Variants in RBM42 observed in about 807,000 individuals in gnomAD.
RBM42 encodes RNA-binding protein 42.
In RBM42, 21 loss-of-function variants were observed where a neutral mutation model predicts 41.4. That is an observed-to-expected ratio of 0.51 (90% CI 0.36 to 0.73). The LOEUF (loss-of-function observed/expected upper bound fraction) is 0.73. Ranked by LOEUF, RBM42 falls within the 30% of genes least tolerant of loss-of-function variation. The pLI is 0.00. For missense variants in RBM42, 539 were observed against 680.4 expected (o/e 0.79, Z 2.31); for synonymous variants, 272 against 271.2 (o/e 1.00, Z -0.03).
In RBM42 at chr19:35,629,554, G is replaced by A. The variant is rs1164054668; in HGVS notation, c.163G>A (p.Gly55Arg). 1 of 1,614,208 alleles carries A rather than the reference G, an allele frequency of 6.2e-7. No individual in the cohort carries two copies. The highest frequency in any genetic ancestry group is 1.1e-5 in the South Asian group (1 of 91,090). The change falls in exon 2 of 10, where the codon GGA (glycine) becomes AGA (arginine). Residue 55 changes from glycine to arginine, a missense_variant. Around this residue, in one of 2 missense-constraint regions of RBM42, gnomAD observed 429 missense variants for 488.9 expected, o/e 0.88. Coordinates refer to ENST00000262633, the MANE Select transcript of RBM42 (RefSeq NM_024321.5). ...GGAAGTTCTGGGGGCTCCAGTACCT[G>A]GAATCCCAACTGCTGTGCCTGCGGT... Reference protein sequence around the residue: ...EQEVLGAPVPGIPTAVPAVPT... With the variant: ...EQEVLGAPVPRIPTAVPAVPT...
intron 4 of RBM42, 24 bp downstream of exon 4, chr19:35,631,429 C>T (rs1487539337): frequency 3.1e-6 from 5 of 1,607,614 alleles, no homozygotes; most frequent in Non-Finnish European, 3.4e-6. Context: ...CAGGGACCCC[C>T]ACATTTAATC....
At chr19:35,633,456 A>G (rs1363677863) in intron 6 of RBM42, among the ~76,000 whole-genome samples, 2 of 152,214 alleles carry the variant, frequency 1.3e-5, no homozygotes, top group Non-Finnish European at 2.9e-5. Flanking sequence ...ACAGAGAGAA[A>G]CATGCTATTG....
Position 35,633,916 on chromosome 19 carries a change from T to TC in RBM42, c.916dup (p.Arg306ProfsTer11). The TC allele has an allele frequency of 1.3e-6, 2 of 1,591,054 alleles. No individual in the cohort carries two copies. Among genetic ancestry groups the TC allele is most frequent in the Non-Finnish European group, 1.7e-6 (2 of 1,173,172 alleles). On this transcript the variant is annotated frameshift_variant, in exon 7 of 10. Transcript: ENST00000262633. LOFTEE classifies it high-confidence loss of function. The stretch of plus-strand genomic sequence containing the variant: ...CCCCTGCCCCTCCCGTTGGAGGTCG[T>TC]CCGCGGCCTCCTGCCCCCGCTGCGC...
chr19:35,635,027 T>G lies in RBM42; in HGVS notation c.1135+654T>G, dbSNP rs928048593. On this transcript the variant is annotated intron_variant, in intron 8 of 9. Transcript: ENST00000262633. ...AGTATTTATCTCCTAAGAAAAGAGATATTTTGGCCAGGCACGGTGGCTCAC... is the reference window on the plus strand; with the variant it reads ...AGTATTTATCTCCTAAGAAAAGAGAGATTTTGGCCAGGCACGGTGGCTCAC... Among the ~76,000 whole-genome samples, 45 of 152,142 alleles carry G rather than the reference T, an allele frequency of 3.0e-4. 1 individual carries two copies. The highest frequency in any genetic ancestry group is 6.2e-4 in the Non-Finnish European group (42 of 67,972).
intron 4 of RBM42, among the ~76,000 whole-genome samples, chr19:35,632,657 C>T (rs936393655): frequency 2.0e-5 from 3 of 152,074 alleles, no homozygotes; most frequent in African/African-American, 7.2e-5. Flanking sequence ...TGTCTCCATT[C>T]CCTCCTCCTC....
chr19:35,634,391 G>C lies in RBM42; in HGVS notation c.1135+18G>C, dbSNP rs1446089493. 6 of 1,593,708 alleles carry C rather than the reference G, an allele frequency of 3.8e-6. No individual in the cohort carries two copies. In the East Asian group the frequency reaches 1.1e-4, roughly 30 times the overall value. On this transcript the variant is annotated intron_variant, in intron 8 of 9. Transcript: ENST00000262633. ...GGATGCAGGTAAGCTGCTGAAGCTC[G>C]AGGTCAGGCGTGGCTCGGCCAAGGT...
chr19:35,629,946 C>T (rs1967376034), intron 2 of RBM42, among the ~76,000 whole-genome samples: 1 of 152,166 alleles, frequency 6.6e-6, no homozygotes, highest in Admixed American at 6.5e-5. Context: ...TCGTTATTCT[C>T]ATTAGTCACA....
At position 35,634,005 on chromosome 19, in the gene RBM42, C is replaced by A; in HGVS notation, c.1003C>A (p.Leu335Ile). The A allele has an allele frequency of 6.6e-7, 1 of 1,515,222 alleles. No homozygotes were observed. Among genetic ancestry groups the A allele is most frequent in the African/African-American group, 1.4e-5 (1 of 72,196 alleles). The allele number at this position is 1,515,222 out of a possible 1,614,324, so 93.9% of individuals were successfully genotyped here. ...CCCTCGGCCAGAGCCACCCCCAGGC[C>A]TCATGGCTCTTGAGGTAAGCAGGGA... ...RPPRPEPPPG[L>I]MALEVPEPLG... Residue 335 changes from leucine to isoleucine, a missense_variant, in exon 7 of 10, where the codon CTC becomes ATC. This residue lies in a region of RBM42 where 429 missense variants were observed against 488.9 expected (regional missense o/e 0.88). Coordinates refer to ENST00000262633, the MANE Select transcript of RBM42 (RefSeq NM_024321.5).
In RBM42 at chr19:35,633,866, G is replaced by A. The variant is rs1967449471; in HGVS notation, c.864G>A (p.Leu288=). Residue 288 remains leucine (L), a synonymous_variant, in exon 7 of 10, where the codon CTG becomes CTA. Coordinates refer to ENST00000262633, the MANE Select transcript of RBM42 (RefSeq NM_024321.5). ...TTGGGCCCAGCCTGCCGCTGGCCCT[G>A]GCCATGCCATTGCCCGAGCCTGAGC... ...AVIGPSLPLA[L]AMPLPEPEPL... is the part of the protein sequence containing the mutation. 6.3e-7 allele frequency: 1 copy of A among 1,589,618 alleles called. No homozygotes were observed. Among genetic ancestry groups the A allele is most frequent in the Non-Finnish European group, 8.5e-7 (1 of 1,171,644 alleles).
chr19:35,633,587 T>C (rs1229212392), intron 6 of RBM42, 100 bp from the exon 7 acceptor site: 3 of 1,189,976 alleles, frequency 2.5e-6, no homozygotes, highest in Non-Finnish European at 3.3e-6. Flanking sequence ...TCTTGGCTGC[T>C]CTCTGGCCCC....
In RBM42 at chr19:35,633,229, A is replaced by G. The variant is rs1401148094; in HGVS notation, c.661A>G (p.Met221Val). 2 of 1,599,546 alleles carry G rather than the reference A, an allele frequency of 1.3e-6. No individual in the cohort carries two copies. The highest frequency in any genetic ancestry group is 1.3e-5 in the African/African-American group (1 of 74,488). ...GGCTCCAGGGCCCCCGCTGGGCTCC[A>G]TGGCTGCACTGAGGCCCCCTCTGGT... is the stretch of plus-strand genomic sequence containing the variant. ...ARAPGPPLGS[M>V]AALRPPLEEP... The change falls in exon 6 of 10, where the codon ATG (methionine) becomes GTG (valine). Residue 221 changes from methionine to valine, a missense_variant. Coordinates refer to ENST00000262633, the MANE Select transcript of RBM42 (RefSeq NM_024321.5).
At chr19:35,631,536 C>T (rs1967405992) in intron 4 of RBM42, 131 bp downstream of exon 4, 5 of 857,490 alleles carry the variant, frequency 5.8e-6, no homozygotes, top group African/African-American at 1.7e-5. Flanking sequence ...CATCCTAAAG[C>T]ACGAACCTGA....
At position 35,633,766 on chromosome 19, in the gene RBM42, C is replaced by T. The variant is rs201842352; in HGVS notation, c.764C>T (p.Ala255Val). Reference sequence around the variant, plus strand: ...GAGAAGGAAGAGGCAGTGGTGGCGGCGGCGGCTGGGCTGGAGGAGGCTAGC... The same window carrying T: ...GAGAAGGAAGAGGCAGTGGTGGCGGTGGCGGCTGGGCTGGAGGAGGCTAGC... Reference protein sequence around the residue: ...LKEKEEAVVAAAAGLEEASAA... With the variant: ...LKEKEEAVVAVAAGLEEASAA... Residue 255 changes from alanine to valine, a missense_variant, in exon 7 of 10, where the codon GCG (alanine) becomes GTG (valine). By Grantham distance (64) the Ala-to-Val change is moderately conservative (BLOSUM62 0). Around this residue, in one of 2 missense-constraint regions of RBM42, gnomAD observed 429 missense variants for 488.9 expected, o/e 0.88. Coordinates refer to ENST00000262633, the MANE Select transcript of RBM42 (RefSeq NM_024321.5). 684 of 1,494,208 alleles carry T rather than the reference C, an allele frequency of 4.6e-4. No homozygotes were observed. The highest frequency in any genetic ancestry group is 5.8e-4 in the Non-Finnish European group (653 of 1,128,380). The allele number at this position is 1,494,208 out of a possible 1,614,324, so 92.6% of individuals were successfully genotyped here.
In RBM42 at chr19:35,634,257, T is replaced by A. The variant is rs756176751; in HGVS notation, c.1019T>A (p.Val340Asp). The change falls in exon 8 of 10, where the codon GTC becomes GAC. Residue 340 changes from valine to aspartate, a missense_variant and splice_region_variant. Val to Asp is a radical substitution (Grantham distance 152). Around this residue, in one of 2 missense-constraint regions of RBM42, gnomAD observed 429 missense variants for 488.9 expected, o/e 0.88. Transcript: ENST00000262633. ...EPPPGLMALE[V>D]PEPLGEDKKK... The stretch of plus-strand genomic sequence containing the variant: ...GCACCTCTCCCCTTTCCTCTGCAGG[T>A]CCCAGAGCCCCTGGGTGAAGACAAG... 1.2e-6 allele frequency: 2 copies of A among 1,613,626 alleles called. No homozygotes were observed. Among genetic ancestry groups the A allele is most frequent in the Non-Finnish European group, 1.7e-6 (2 of 1,179,578 alleles).
intron 4 of RBM42, 26 bp from the exon 5 acceptor site, chr19:35,632,910 C>T: frequency 9.3e-7 from 1 of 1,080,854 alleles, no homozygotes; most frequent in Non-Finnish European, 1.4e-6. Context: ...CCCCATGACA[C>T]ACACCCCCAT....
At chr19:35,631,251 G>A (rs1313156296) in intron 3 of RBM42, 27 bp downstream of exon 3, 1 of 1,612,728 alleles carries the variant, frequency 6.2e-7, no homozygotes, top group African/African-American at 1.3e-5. Flanking sequence ...AAGGTGAGGG[G>A]GTTGGGCAAT....
chr19:35,631,188 C>T lies in RBM42; in HGVS notation c.331C>T (p.Pro111Ser). Residue 111 changes from proline (P) to serine (S), a missense_variant, in exon 3 of 10, where the codon CCT (proline) becomes TCT (serine). Around this residue, in one of 2 missense-constraint regions of RBM42, gnomAD observed 429 missense variants for 488.9 expected, o/e 0.88. Transcript: ENST00000262633. ...ARAAAAATVV[P>S]PMVGGPPFVG... ...AGCAGCTGCTGCAGCCACAGTAGTT[C>T]CTCCCATGGTGGGTGGCCCTCCTTT... 1 of 1,614,164 alleles carries T rather than the reference C, an allele frequency of 6.2e-7. No individual in the cohort carries two copies. Among genetic ancestry groups the T allele is most frequent in the African/African-American group, 1.3e-5 (1 of 75,044 alleles).
At chr19:35,635,142 C>T (rs1420482001) in intron 8 of RBM42, among the ~76,000 whole-genome samples, 1 of 151,038 alleles carries the variant, frequency 6.6e-6, no homozygotes, top group African/African-American at 2.4e-5. Context: ...TGGTGAAATC[C>T]CGTGTCTCTA....
rs116378670 is a variant in RBM42 at position 35,631,473 on chromosome 19, C to T, written c.442+68C>T. On this transcript the variant is annotated intron_variant, in intron 4 of 9. Transcript: ENST00000262633. ...TTGTTTACATGACTTCAGCCTCTTG[C>T]CTAAATCCTTGCTCTAAATTACCCT... 1,684 of 1,446,206 alleles carry T rather than the reference C, an allele frequency of 1.2e-3. 17 individuals carry two copies. The African/African-American group carries it at 0.021, about 18-fold the overall frequency. 89.6% of individuals were successfully genotyped at this position (1,446,206 alleles called of 1,614,324 possible).
Sources: gnomAD v4.1 joint callset for allele counts (sites outside exome capture counted in the v4.1 genomes callset) on GRCh38, gnomAD v4.1.1 for gene constraint, gnomAD v4.1.1 regional missense constraint, MANE v1.5 for transcripts, NCBI Gene and HGNC (gene_info 2026-07-23, HGNC 2026-07-21) for gene names.